PHKA2: variants seen among roughly 807,000 people sequenced by gnomAD.
The protein encoded by PHKA2 is phosphorylase kinase regulatory subunit alpha 2.
In PHKA2, 31 loss-of-function variants were observed where a neutral mutation model predicts 102.0. That is an observed-to-expected ratio of 0.30 (90% confidence interval 0.23 to 0.41). PHKA2 has a LOEUF of 0.41. PHKA2 is among the 10% of genes least tolerant of loss of function. The pLI is 1.00. For missense variants in PHKA2, 858 were observed against 1,023.1 expected (o/e 0.84, Z 2.20); for synonymous variants, 455 against 416.2 (o/e 1.09, Z -1.13).
intron 32 of PHKA2, among the ~76,000 whole-genome samples, chrX:18,893,904 G>A (rs1289925820): frequency 2.7e-5 from 3 of 112,384 alleles, no homozygotes; most frequent in Admixed American, 9.4e-5. Context: ...TGACTATAAT[G>A]AGGACTACTC....
intron 30 of PHKA2, chrX:18,895,607 G>T (rs756000151): frequency 8.6e-5 from 16 of 185,128 alleles, no homozygotes; most frequent in Non-Finnish European, 1.6e-4. Context: ...TCTATAATAA[G>T]CACCAATCAC....
chrX:18,942,067 T>C (rs189839444), intron 7 of PHKA2, among the ~76,000 whole-genome samples: 189 of 112,092 alleles, frequency 1.7e-3, no homozygotes, highest in Non-Finnish European at 2.8e-3. Context: ...TGGGGCCAGC[T>C]TGGAGAAATG....
chrX:18,913,044 C>T lies in PHKA2; in HGVS notation c.2138-2084G>A, dbSNP rs779616275. The stretch of plus-strand genomic sequence containing the variant: ...AGTAAGCCCTGATCGTGGCACTGCA[C>T]TTCAGCCTGGGTGACAGAGCAAGAC... On this transcript the variant is annotated intron_variant, in intron 19 of 32. Coordinates refer to ENST00000379942, the MANE Select transcript of PHKA2 (RefSeq NM_000292.3). Among the ~76,000 whole-genome samples the T allele has an allele frequency of 5.7e-5, 6 of 104,814 alleles. No individual in the cohort carries two copies. The South Asian group carries it at 2.7e-3, about 47-fold the overall frequency. 91.0% of individuals were successfully genotyped at this position (104,814 alleles called of 115,157 possible).
At chrX:18,912,524 TGGGA>T (rs2047944162) in intron 19 of PHKA2, among the ~76,000 whole-genome samples, 1 of 108,869 alleles carries the variant, frequency 9.2e-6, no homozygotes, top group African/African-American at 3.4e-5. Flanking sequence ...CCCAGCACTT[TGGGA>T]GGCTGAGGTG....
rs2048214344 is a variant in PHKA2, at chrX:18,926,577, C to T, written c.1335G>A (p.Leu445=). The T allele has an allele frequency of 8.3e-7, 1 of 1,207,836 alleles. No individual in the cohort carries two copies. The highest frequency in any genetic ancestry group is 1.7e-5 in the African/African-American group (1 of 57,347). ...KPDVVVQVTV[L]AENNHIKDLL... The stretch of plus-strand genomic sequence containing the variant: ...AGTCCTTAATGTGATTGTTTTCTGC[C>T]AAAACAGTAACTGTGAACAAGAACA... The change falls in exon 14 of 33, where the codon TTG becomes TTA. Residue 445 remains leucine, a synonymous_variant. Coordinates refer to ENST00000379942, the MANE Select transcript of PHKA2 (RefSeq NM_000292.3).
chrX:18,966,236 C>A (rs573821038), intron 1 of PHKA2, among the ~76,000 whole-genome samples: 50 of 108,939 alleles, frequency 4.6e-4, no homozygotes, highest in African/African-American at 1.4e-3. Flanking sequence ...TACAGGTGTG[C>A]GACACCACAC....
chrX:18,913,383 CGTACAGCT>C (rs1053180745), intron 19 of PHKA2, among the ~76,000 whole-genome samples: 31 of 111,105 alleles, frequency 2.8e-4, no homozygotes, highest in Non-Finnish European at 5.5e-4. Flanking sequence ...AAACACAGAT[CGTACAGCT>C]GTACAAAAAT....
chrX:18,972,180 A>G (rs1170616826), intron 1 of PHKA2, among the ~76,000 whole-genome samples: 1 of 112,402 alleles, frequency 8.9e-6, no homozygotes, highest in Non-Finnish European at 1.9e-5. Flanking sequence ...CTTTTTATCC[A>G]TATGGACAGC....
chrX:18,918,759 G>A lies in PHKA2; in HGVS notation c.2059C>T (p.Arg687Cys), dbSNP rs777741653. 6 of 1,205,515 alleles carry A rather than the reference G, an allele frequency of 5.0e-6. No homozygotes were observed. The highest frequency in any genetic ancestry group is 6.7e-6 in the Non-Finnish European group (6 of 889,705). ...GAGTGGATAGCACTGAAGACATGGC[G>A]GTCTTCTGTGTTCTTACAAAGAGGA... ...LPPLCKNTED[R>C]HVFSAIHSTR... is the part of the protein sequence containing the mutation. The change falls in exon 19 of 33, where the codon CGC (arginine) becomes TGC (cysteine). Residue 687 changes from arginine (R) to cysteine (C), a missense_variant. Transcript: ENST00000379942.
In PHKA2 at chrX:18,926,507, G is replaced by T. The variant is rs1234231339; in HGVS notation, c.1405C>A (p.His469Asn). The T allele has an allele frequency of 5.0e-6, 6 of 1,193,427 alleles. No individual in the cohort carries two copies. The highest frequency in any genetic ancestry group is 6.8e-6 in the Non-Finnish European group (6 of 878,690). ...GVNVQSIADI[H>N]PIQVQPGRIL... is the part of the protein sequence containing the mutation. ...CGGCCCGGCTGGACTTGAATTGGAT[G>T]AATGTCCGCGATACTCTGGACGTTC... The change falls in exon 14 of 33, where the codon CAT (histidine) becomes AAT (asparagine). Residue 469 changes from histidine to asparagine, a missense_variant. Coordinates refer to ENST00000379942, the MANE Select transcript of PHKA2 (RefSeq NM_000292.3).
Position 18,929,231 on chromosome X carries a change from G to C in PHKA2, c.1321C>G (p.Gln441Glu). The C allele has an allele frequency of 8.8e-7, 1 of 1,139,267 alleles. No individual in the cohort carries two copies. Among genetic ancestry groups the C allele is most frequent in the Non-Finnish European group, 1.2e-6 (1 of 842,487 alleles). 93.9% of individuals were successfully genotyped at this position (1,139,267 alleles called of 1,213,427 possible). The part of the protein sequence containing the change: ...STSVKPDVVV[Q>E]VTVLAENNHI... Reference sequence around the variant, plus strand: ...AACAGTAAACACGCTCACAAACCTTGTACTACAACATCAGGTTTGACTGAA... The same window carrying C: ...AACAGTAAACACGCTCACAAACCTTCTACTACAACATCAGGTTTGACTGAA... The change falls in exon 13 of 33, where the codon CAA (glutamine) becomes GAA (glutamate). Residue 441 changes from glutamine to glutamate, a missense_variant. Transcript: ENST00000379942.
At chrX:18,981,769 A>AT (rs1179592526) in intron 1 of PHKA2, among the ~76,000 whole-genome samples, 6 of 111,361 alleles carry the variant, frequency 5.4e-5, no homozygotes, top group Non-Finnish European at 1.1e-4. Flanking sequence ...TATCAAAATC[A>AT]TAACACCACC....
chrX:18,957,234 G>C (rs1276816270), intron 1 of PHKA2, among the ~76,000 whole-genome samples: 2 of 112,548 alleles, frequency 1.8e-5, no homozygotes, highest in African/African-American at 6.5e-5. Flanking sequence ...GGATGACCCA[G>C]TGGTTTTGTC....
Position 18,895,148 on chromosome X carries a change from G to A in PHKA2, c.3326C>T (p.Thr1109Met), listed in dbSNP as rs780391791. The change falls in exon 31 of 33, where the codon ACG becomes ATG. Residue 1109 changes from threonine to methionine, a missense_variant. This residue lies in a region of PHKA2 where 671 missense variants were observed against 745.2 expected (regional missense o/e 0.90). Coordinates refer to ENST00000379942, the MANE Select transcript of PHKA2 (RefSeq NM_000292.3). The part of the protein sequence containing the change: ...SIDGYVLPSS[T>M]TREMTPHEIK... Reference sequence around the variant, plus strand: ...TTTTTCTCATCGTACCTCTCGGGTCGTCGAGGATGGGAGGACATAACCATC... The same window carrying A: ...TTTTTCTCATCGTACCTCTCGGGTCATCGAGGATGGGAGGACATAACCATC... 1.2e-5 allele frequency: 15 copies of A among 1,210,895 alleles called. No homozygotes were observed. Among genetic ancestry groups the A allele is most frequent in the Non-Finnish European group, 1.7e-5 (15 of 894,669 alleles).
intron 9 of PHKA2, among the ~76,000 whole-genome samples, chrX:18,939,293 A>C (rs1165065818): frequency 9.0e-6 from 1 of 111,134 alleles, no homozygotes; most frequent in African/African-American, 3.3e-5. Flanking sequence ...CTACCACCTC[A>C]GCCTCCTGAG....
intron 11 of PHKA2, 112 bp from the exon 12 acceptor site, chrX:18,931,860 A>C (rs1259602027): frequency 1.7e-6 from 1 of 597,196 alleles, no homozygotes; most frequent in Non-Finnish European, 2.9e-6. Context: ...CCTCCAGGCC[A>C]ATTCTGTGCA....
rs1463806239 is a variant in PHKA2, at chrX:18,954,292, G to A, written c.199C>T (p.Arg67Cys). ...TAGGCCTTGGCCTTGTCCTCATCGC[G>A]GTCTGCATTCTTACGGTAGGCCATG... Reference protein sequence around the residue: ...LGMAYRKNADRDEDKAKAYEL... With the variant: ...LGMAYRKNADCDEDKAKAYEL... The change falls in exon 2 of 33, where the codon CGC becomes TGC. Residue 67 changes from arginine to cysteine, a missense_variant. Arg to Cys is a radical substitution (Grantham distance 180, BLOSUM62 -3). This residue lies in a region of PHKA2 where 187 missense variants were observed against 277.9 expected (regional missense o/e 0.67). Transcript: ENST00000379942. 1.1e-5 allele frequency: 13 copies of A among 1,210,160 alleles called. No homozygotes were observed. The highest frequency in any genetic ancestry group is 3.0e-5 in the East Asian group (1 of 33,752).
At chrX:18,934,877 G>C (rs999693345) in intron 11 of PHKA2, among the ~76,000 whole-genome samples, 7 of 111,348 alleles carry the variant, frequency 6.3e-5, no homozygotes, top group Non-Finnish European at 9.6e-5. Context: ...CCTGGGGTCT[G>C]GCCCCAGGGC....
rs2048714838 is a variant in PHKA2 at position 18,952,503 on chromosome X, C to T, written c.276G>A (p.Met92Ile). ...VKLMRGLLQCMMRQVAKVEKF... is the reference protein window; with the variant it reads ...VKLMRGLLQCIMRQVAKVEKF... ...TGTGGGTTCTGCCTACCTGTCTCAT[C>T]ATGCACTGGAGAAGACCTCGCATCA... The change falls in exon 3 of 33, where the codon ATG (methionine) becomes ATA (isoleucine). Residue 92 changes from methionine (M) to isoleucine (I), a missense_variant. Coordinates refer to ENST00000379942, the MANE Select transcript of PHKA2 (RefSeq NM_000292.3). 1 of 1,210,405 alleles carries T rather than the reference C, an allele frequency of 8.3e-7. No homozygotes were observed. The highest frequency in any genetic ancestry group is 1.1e-6 in the Non-Finnish European group (1 of 894,188).
Sources: gnomAD v4.1 joint callset for allele counts (sites outside exome capture counted in the v4.1 genomes callset) on GRCh38, gnomAD v4.1.1 for gene constraint, gnomAD v4.1.1 regional missense constraint, MANE v1.5 for transcripts, NCBI Gene and HGNC (gene_info 2026-07-23, HGNC 2026-07-21) for gene names.